TMEM108: variants seen among roughly 807,000 people sequenced by gnomAD.
TMEM108 encodes cancer/testis antigen 124.
A neutral mutation model predicts 35.1 loss-of-function variants in TMEM108; 12 were observed. The ratio of observed to expected loss-of-function variants is 0.34; its 90% CI spans 0.22 to 0.55. The LOEUF (loss-of-function observed/expected upper bound fraction) is 0.55, where lower values mean the gene tolerates loss of function less well. Among genes scored for constraint, TMEM108 ranks in the 20% least tolerant of loss-of-function variants. The probability of loss-of-function intolerance (pLI) is 0.89; values close to 1 mark genes in which losing one functional copy is unlikely to be tolerated. For synonymous variants in TMEM108, 287 were observed against 308.6 expected (o/e 0.93, Z 0.73); for missense variants, 680 against 753.3 (o/e 0.90, Z 1.14).
chr3:133,232,424 C>T (rs549922552), intron 3 of TMEM108, among the ~76,000 whole-genome samples: 2 of 152,288 alleles, frequency 1.3e-5, no homozygotes, highest in African/African-American at 4.8e-5. Context: ...CCTTCCACCA[C>T]CAGTGGAAGC....
chr3:133,129,181 A>G (rs1308812760), intron 2 of TMEM108, among the ~76,000 whole-genome samples: 1 of 152,050 alleles, frequency 6.6e-6, no homozygotes, highest in African/African-American at 2.4e-5. Context: ...CCTGTCTACC[A>G]AAAATACAAA....
intron 2 of TMEM108, among the ~76,000 whole-genome samples, chr3:133,059,586 G>A (rs1307210836): frequency 6.6e-6 from 1 of 152,158 alleles, no homozygotes; most frequent in African/African-American, 2.4e-5. Flanking sequence ...TCTTCTTTCA[G>A]ACCTCGCATA....
At chr3:133,296,546 AAC>A in intron 3 of TMEM108, among the ~76,000 whole-genome samples, 2 of 152,280 alleles carry the variant, frequency 1.3e-5, no homozygotes, top group East Asian at 1.9e-4. Flanking sequence ...CAAAAAAAAA[AAC>A]ACACACTAAT....
At chr3:133,101,085 T>G (rs1944081731) in intron 2 of TMEM108, among the ~76,000 whole-genome samples, 1 of 152,230 alleles carries the variant, frequency 6.6e-6, no homozygotes, top group African/African-American at 2.4e-5. Flanking sequence ...TAAGGTTATC[T>G]CCTAGTTTTT....
chr3:133,181,260 AAAG>A (rs1377035397), intron 2 of TMEM108, among the ~76,000 whole-genome samples: 3 of 152,224 alleles, frequency 2.0e-5, no homozygotes, highest in African/African-American at 7.2e-5. Flanking sequence ...CTGTCCCAGA[AAAG>A]AAGAGCCTGA....
At chr3:133,388,145 C>A in intron 4 of TMEM108, 2 of 985,510 alleles carry the variant, frequency 2.0e-6, no homozygotes, top group Non-Finnish European at 2.4e-6. Flanking sequence ...GCTGAGGAAA[C>A]AGCACTTTTC....
chr3:133,112,759 C>G (rs1240424899), intron 2 of TMEM108, among the ~76,000 whole-genome samples: 2 of 152,008 alleles, frequency 1.3e-5, no homozygotes, highest in Non-Finnish European at 2.9e-5. Context: ...GTTAATTTGG[C>G]TAGTGCTGCT....
intron 2 of TMEM108, among the ~76,000 whole-genome samples, chr3:133,199,632 A>G (rs1166318876): frequency 6.6e-6 from 1 of 152,042 alleles, no homozygotes; most frequent in Non-Finnish European, 1.5e-5. Context: ...GTTGCTGCCT[A>G]ATCGTTCCTC....
At chr3:133,138,006 T>C (rs757630143) in intron 2 of TMEM108, among the ~76,000 whole-genome samples, 1 of 152,226 alleles carries the variant, frequency 6.6e-6, no homozygotes, top group Non-Finnish European at 1.5e-5. Context: ...CCTTTTGTTA[T>C]GGAAACAAGT....
intron 3 of TMEM108, among the ~76,000 whole-genome samples, chr3:133,342,555 T>TATATATATATATATATACAC (rs60991711): frequency 2.0e-4 from 13 of 63,450 alleles, no homozygotes; most frequent in Non-Finnish European, 3.7e-4. Context: ...TATATATATA[T>TATATATATATATATATACAC]ACACACACAC....
intron 2 of TMEM108, among the ~76,000 whole-genome samples, chr3:133,207,612 G>C (rs1945777222): frequency 6.6e-6 from 1 of 151,972 alleles, no homozygotes; most frequent in South Asian, 2.1e-4. Context: ...GACTGCCTTT[G>C]TTTAGAATTT....
chr3:133,158,888 A>G (rs1310911920), intron 2 of TMEM108, among the ~76,000 whole-genome samples: 1 of 152,152 alleles, frequency 6.6e-6, no homozygotes, highest in Non-Finnish European at 1.5e-5. Context: ...GCTGCCAATC[A>G]AGGTTTGTGA....
chr3:133,312,665 C>T (rs545065405), intron 3 of TMEM108, among the ~76,000 whole-genome samples: 1 of 152,352 alleles, frequency 6.6e-6, no homozygotes, highest in East Asian at 1.9e-4. Context: ...AGGGAAATCC[C>T]CTGACCCCTT....
intron 2 of TMEM108, among the ~76,000 whole-genome samples, chr3:133,178,672 A>G (rs1439185946): frequency 6.6e-6 from 1 of 152,258 alleles, no homozygotes; most frequent in Admixed American, 6.5e-5. Flanking sequence ...GGTGGATTAA[A>G]GACTTAAATG....
At chr3:133,074,226 A>C (rs769376070) in intron 2 of TMEM108, 4 of 152,064 alleles carry the variant, frequency 2.6e-5, no homozygotes, top group African/African-American at 4.8e-5. Context: ...CCTCTTGATT[A>C]TTTACTTAAA....
intron 2 of TMEM108, among the ~76,000 whole-genome samples, chr3:133,133,431 T>C: frequency 6.6e-6 from 1 of 152,200 alleles, no homozygotes; most frequent in East Asian, 1.9e-4. Context: ...GCACACTTAA[T>C]AGACTACAGT....
intron 3 of TMEM108, among the ~76,000 whole-genome samples, chr3:133,302,272 C>T (rs1708367): frequency 0.12 from 17,966 of 152,156 alleles, 1,488 homozygotes; most frequent in East Asian, 0.38. Context: ...CATGCGTGCG[C>T]GTGCACGGGT....
chr3:133,073,409 A>G (rs13088897), intron 2 of TMEM108, among the ~76,000 whole-genome samples: 10,911 of 147,340 alleles, frequency 0.074, 491 homozygotes, highest in East Asian at 0.17. Context: ...TATTTCACTT[A>G]ACATAGTGTC....
intron 3 of TMEM108, among the ~76,000 whole-genome samples, chr3:133,267,758 A>G (rs1946719461): frequency 6.6e-6 from 1 of 152,188 alleles, no homozygotes; most frequent in Non-Finnish European, 1.5e-5. Context: ...TCATGTTGCA[A>G]TGGACAGGAG....
Sources: allele counts gnomAD v4.1 joint callset (sites outside exome capture counted in the v4.1 genomes callset), GRCh38; gene constraint gnomAD v4.1.1; transcripts MANE v1.5; gene names NCBI Gene and HGNC (gene_info 2026-07-23, HGNC 2026-07-21).